The following ZNF207 variants were observed in gnomAD, a reference collection of about 807,000 sequenced individuals.
ZNF207 encodes the protein zinc finger protein 207, also known as BUB3-interacting and GLEBS motif-containing protein ZNF207.
Under a neutral mutation model 60.2 loss-of-function variants are expected in ZNF207, and 24 were observed. That is an observed-to-expected ratio of 0.40 (90% CI 0.29 to 0.56). The LOEUF is 0.56. ZNF207 is among the 20% of genes least tolerant of loss of function. ZNF207 has a pLI of 0.49. For missense variants in ZNF207, 452 were observed against 636.6 expected (o/e 0.71, Z 3.12); for synonymous variants, 236 against 194.7 (o/e 1.21, Z -1.77).
rs1174997610 is a variant in ZNF207, at chr17:32,372,279, G to A, written c.*2520G>A. 3 of 151,834 alleles carry A rather than the reference G, an allele frequency of 2.0e-5. No individual in the cohort carries two copies. The highest frequency in any genetic ancestry group is 1.9e-4 in the East Asian group (1 of 5,188). The allele number at this position is 151,834 out of a possible 1,614,324, so 9.4% of individuals were successfully genotyped here. A position where few individuals can be genotyped will look rare whatever the true frequency, so the allele number is the denominator to read the frequency against. On this transcript the variant is annotated 3_prime_UTR_variant, in exon 12 of 12. Transcript: ENST00000394670. ...CACACCACTGCACTCTAGCCTGGAC[G>A]ACAGATTGAGACTCCGTCTCAAAAA... is the stretch of plus-strand genomic sequence containing the variant.
At chr17:32,351,727 T>C (rs1348764978) in intron 1 of ZNF207, 59 bp from the exon 2 acceptor site, 1 of 1,610,776 alleles carries the variant, frequency 6.2e-7, no homozygotes, top group South Asian at 1.1e-5. Context: ...TATCCATATG[T>C]TTTTATTATA....
chr17:32,365,322 C>G lies in ZNF207; in HGVS notation c.671-8C>G, dbSNP rs1345822706. The G allele has an allele frequency of 6.2e-7, 1 of 1,602,864 alleles. No individual in the cohort carries two copies. Among genetic ancestry groups the G allele is most frequent in the Admixed American group, 1.7e-5 (1 of 57,936 alleles). ...GACTCAATTTCCCCAAACATTTCTT[C>G]TCTGCAGGTATGCCCCCACCTGTTC... On this transcript the variant is annotated splice_region_variant and splice_polypyrimidine_tract_variant and intron_variant, in intron 7 of 11. Coordinates refer to ENST00000394670, the MANE Select transcript of ZNF207 (RefSeq NM_001098507.2).
intron 8 of ZNF207, 89 bp downstream of exon 8, chr17:32,365,576 AT>A (rs951735472): frequency 7.2e-6 from 9 of 1,258,606 alleles, no homozygotes; most frequent in South Asian, 4.1e-5. Context: ...TCATAGGTCA[AT>A]TTTTTTGTTT....
At position 32,369,659 on chromosome 17, in the gene ZNF207, A is replaced by T; in HGVS notation, c.1385A>T (p.Tyr462Phe). ...TACCTTCCTGGTGCTATGCCCCCGTATGGGCAGGGACCGCCAATGGTGCCC... is the reference window on the plus strand; with the variant it reads ...TACCTTCCTGGTGCTATGCCCCCGTTTGGGCAGGGACCGCCAATGGTGCCC... Reference protein sequence around the residue: ...PGYLPGAMPPYGQGPPMVPPY... With the variant: ...PGYLPGAMPPFGQGPPMVPPY... The change falls in exon 12 of 12, where the codon TAT becomes TTT. Residue 462 changes from tyrosine (Y) to phenylalanine (F), a missense_variant. Tyr to Phe is a conservative substitution (Grantham distance 22, BLOSUM62 3). This residue lies in a region of ZNF207 where 390 missense variants were observed against 461.4 expected (regional missense o/e 0.85). Coordinates refer to ENST00000394670, the MANE Select transcript of ZNF207 (RefSeq NM_001098507.2). The T allele has an allele frequency of 6.3e-7, 1 of 1,595,822 alleles. No individual in the cohort carries two copies. The highest frequency in any genetic ancestry group is 1.1e-5 in the South Asian group (1 of 88,214).
Position 32,380,513 on chromosome 17 carries a change from C to T in ZNF207, c.*10754C>T, listed in dbSNP as rs923078091. 1.3e-5 allele frequency: 2 copies of T among 152,044 alleles called. No individual in the cohort carries two copies. Among genetic ancestry groups the T allele is most frequent in the African/African-American group, 2.4e-5 (1 of 41,386 alleles). The allele number at this position is 152,044 out of a possible 1,614,324, so 9.4% of individuals were successfully genotyped here. On this transcript the variant is annotated 3_prime_UTR_variant, in exon 12 of 12. Transcript: ENST00000394670. ...TATTTCAGTGTCCCTTTTTAAAACT[C>T]GATGATGGCTTTCAGTTTATTTAAG...
chr17:32,366,670 G>A lies in ZNF207; in HGVS notation c.834G>A (p.Gly278=). ...KPLFPSAGQM[G]TPVTSSSTAS... ...TCCTTTCTTTTATGCTACAGATGGG[G>A]ACACCTGTCACAAGCTCAAGTACAG... The change falls in exon 9 of 12, where the codon GGG becomes GGA. Residue 278 remains glycine, a synonymous_variant. Transcript: ENST00000394670. 6.2e-7 allele frequency: 1 copy of A among 1,605,154 alleles called. No homozygotes were observed. The highest frequency in any genetic ancestry group is 8.5e-7 in the Non-Finnish European group (1 of 1,177,138).
chr17:32,353,472 A>G (rs1904318368), intron 2 of ZNF207, among the ~76,000 whole-genome samples: 2 of 151,954 alleles, frequency 1.3e-5, no homozygotes, highest in African/African-American at 4.8e-5. Context: ...ATACTTTAAC[A>G]ATAATTTAAT....
Position 32,376,607 on chromosome 17 carries a change from A to AGGTAGGTCT in ZNF207, c.*6849_*6857dup, listed in dbSNP as rs2098095842. On this transcript the variant is annotated 3_prime_UTR_variant, in exon 12 of 12. Coordinates refer to ENST00000394670, the MANE Select transcript of ZNF207 (RefSeq NM_001098507.2). ...GAGGCAGAAATTTGTAGCCCAAACA[A>AGGTAGGTCT]GGTAGGTCTTCGCTGAAACTAATTT... The AGGTAGGTCT allele has an allele frequency of 6.6e-6, 1 of 152,050 alleles. No individual in the cohort carries two copies. The highest frequency in any genetic ancestry group is 2.4e-5 in the African/African-American group (1 of 41,448). The allele number at this position is 152,050 out of a possible 1,614,324, so 9.4% of individuals were successfully genotyped here.
intron 2 of ZNF207, among the ~76,000 whole-genome samples, chr17:32,357,345 A>ATTTTT (rs1232093255): frequency 3.5e-4 from 23 of 64,984 alleles, no homozygotes; most frequent in African/African-American, 2.0e-3. Flanking sequence ...TATTATTATT[A>ATTTTT]TTATTATTTT....
chr17:32,378,080 A>C lies in ZNF207; in HGVS notation c.*8321A>C, dbSNP rs1186370120. On this transcript the variant is annotated 3_prime_UTR_variant, in exon 12 of 12. Transcript: ENST00000394670. ...GCTGTGCGGTTACTTAAATGTTAGTATAACTAATAATAGATCCATTGGACA... is the reference window on the plus strand; with the variant it reads ...GCTGTGCGGTTACTTAAATGTTAGTCTAACTAATAATAGATCCATTGGACA... The C allele has an allele frequency of 6.6e-6, 1 of 152,482 alleles. No individual in the cohort carries two copies. Among genetic ancestry groups the C allele is most frequent in the Non-Finnish European group, 1.5e-5 (1 of 67,912 alleles). 9.4% of individuals were successfully genotyped at this position (152,482 alleles called of 1,614,324 possible).
chr17:32,352,227 C>T (rs1352703469), intron 2 of ZNF207, among the ~76,000 whole-genome samples: 1 of 152,182 alleles, frequency 6.6e-6, no homozygotes, highest in Non-Finnish European at 1.5e-5. Flanking sequence ...ACCTGGGCCT[C>T]CCAGAGTGCT....
In ZNF207 at chr17:32,367,927, A is replaced by G. The variant is rs1465804729; in HGVS notation, c.1077A>G (p.Pro359=). Residue 359 remains proline, a synonymous_variant, in exon 10 of 12, where the codon CCA becomes CCG. Coordinates refer to ENST00000394670, the MANE Select transcript of ZNF207 (RefSeq NM_001098507.2). ...CAACAAATAGTACTGCAGCTAAACC[A>G]GCGGCTTCAATAACAAGTAAGCCTG... is the stretch of plus-strand genomic sequence containing the variant. ...TSTTNSTAAK[P]AASITSKPAT... The G allele has an allele frequency of 1.3e-5, 21 of 1,614,200 alleles. No individual in the cohort carries two copies. Among genetic ancestry groups the G allele is most frequent in the Non-Finnish European group, 1.7e-5 (20 of 1,180,032 alleles).
chr17:32,373,729 C>A lies in ZNF207; in HGVS notation c.*3970C>A. ...AAGCTTGTGTTCCTATATTGAACTT[C>A]AATAAATTGACAAAATTTGATATTT... On this transcript the variant is annotated 3_prime_UTR_variant, in exon 12 of 12. Coordinates refer to ENST00000394670, the MANE Select transcript of ZNF207 (RefSeq NM_001098507.2). 1 of 284,682 alleles carries A rather than the reference C, an allele frequency of 3.5e-6. No homozygotes were observed. Among genetic ancestry groups the A allele is most frequent in the Non-Finnish European group, 6.4e-6 (1 of 156,226 alleles). 17.6% of individuals were successfully genotyped at this position (284,682 alleles called of 1,614,324 possible). A position where few individuals can be genotyped will look rare whatever the true frequency, so the allele number is the denominator to read the frequency against.
intron 3 of ZNF207, among the ~76,000 whole-genome samples, chr17:32,359,869 C>G (rs1226010747): frequency 6.6e-6 from 1 of 152,008 alleles, no homozygotes; most frequent in African/African-American, 2.4e-5. Context: ...GTCTGGGCAA[C>G]AGAGTGAGAT....
At chr17:32,353,607 C>T (rs943163798) in intron 2 of ZNF207, among the ~76,000 whole-genome samples, 1 of 150,892 alleles carries the variant, frequency 6.6e-6, no homozygotes, top group Admixed American at 6.6e-5. Flanking sequence ...CGTGGTGAAA[C>T]CCCATCTCTA....
rs1295336800 is a variant in ZNF207, at chr17:32,376,292, C to G, written c.*6533C>G. On this transcript the variant is annotated 3_prime_UTR_variant, in exon 12 of 12. Coordinates refer to ENST00000394670, the MANE Select transcript of ZNF207 (RefSeq NM_001098507.2). Reference sequence around the variant, plus strand: ...AAAACATCTATCTTTATTTTTTTACCTGGCATTTTTGTTAGAAAATAGATT... The same window carrying G: ...AAAACATCTATCTTTATTTTTTTACGTGGCATTTTTGTTAGAAAATAGATT... 1 of 151,634 alleles carries G rather than the reference C, an allele frequency of 6.6e-6. No individual in the cohort carries two copies. The highest frequency in any genetic ancestry group is 1.5e-5 in the Non-Finnish European group (1 of 67,822). 9.4% of individuals were successfully genotyped at this position (151,634 alleles called of 1,614,324 possible). A position where few individuals can be genotyped will look rare whatever the true frequency, so the allele number is the denominator to read the frequency against.
intron 9 of ZNF207, 59 bp from the exon 10 acceptor site, chr17:32,367,713 T>C: frequency 2.5e-6 from 4 of 1,597,090 alleles, no homozygotes; most frequent in Non-Finnish European, 3.4e-6. Flanking sequence ...GTTAAACTGT[T>C]GTAGATATAG....
intron 6 of ZNF207, 86 bp downstream of exon 6, chr17:32,361,601 T>C: frequency 7.8e-7 from 1 of 1,275,562 alleles, no homozygotes; most frequent in Non-Finnish European, 1.1e-6. Flanking sequence ...TCTATTCAGT[T>C]GACTTCAGAA....
In ZNF207 at chr17:32,371,383, C is replaced by T. The variant is rs890458957; in HGVS notation, c.*1624C>T. 4 of 152,028 alleles carry T rather than the reference C, an allele frequency of 2.6e-5. No individual in the cohort carries two copies. The highest frequency in any genetic ancestry group is 9.7e-5 in the African/African-American group (4 of 41,374). 9.4% of individuals were successfully genotyped at this position (152,028 alleles called of 1,614,324 possible). On this transcript the variant is annotated 3_prime_UTR_variant, in exon 12 of 12. Transcript: ENST00000394670. ...GTGATTTAGCCATCACAAAAGAGTT[C>T]GTATTTATGTGACAGATGAAAGTCA...
Sources: allele counts gnomAD v4.1 joint callset (sites outside exome capture counted in the v4.1 genomes callset), GRCh38; gene constraint gnomAD v4.1.1; regional missense constraint gnomAD v4.1.1; transcripts MANE v1.5; gene names NCBI Gene and HGNC (gene_info 2026-07-23, HGNC 2026-07-21).